The following SEZ6 variants were observed in gnomAD, a reference collection of about 807,000 sequenced individuals.
SEZ6 encodes seizure protein 6 homolog.
A neutral mutation model predicts 101.0 loss-of-function variants in SEZ6; 53 were observed. The observed-to-expected ratio is 0.52, with a 90% CI of 0.42 to 0.66. The LOEUF (loss-of-function observed/expected upper bound fraction) is 0.66. Ranked by LOEUF, SEZ6 falls within the 30% of genes least tolerant of loss-of-function variation. The pLI is 0.00. For missense variants in SEZ6, 1,102 were observed against 1,289.4 expected (o/e 0.85, Z 2.23); for synonymous variants, 488 against 512.2 (o/e 0.95, Z 0.64).
intron 1 of SEZ6, among the ~76,000 whole-genome samples, chr17:28,985,354 G>T (rs2041365424): frequency 6.6e-6 from 1 of 152,176 alleles, no homozygotes; most frequent in East Asian, 1.9e-4. Context: ...ACCCAGGGAA[G>T]CCCCCACCCT....
At chr17:28,990,982 T>C (rs1006064471) in intron 1 of SEZ6, among the ~76,000 whole-genome samples, 14 of 152,160 alleles carry the variant, frequency 9.2e-5, no homozygotes, top group African/African-American at 3.4e-4. Context: ...CTCGTCTCAC[T>C]GCAACCTCTG....
At chr17:28,972,648 C>T (rs1438798431) in intron 3 of SEZ6, among the ~76,000 whole-genome samples, 1 of 152,226 alleles carries the variant, frequency 6.6e-6, no homozygotes, top group Non-Finnish European at 1.5e-5. Flanking sequence ...TCAGGGAATT[C>T]CTGCAGCAGG....
intron 1 of SEZ6, among the ~76,000 whole-genome samples, chr17:28,986,361 A>T (rs1297714240): frequency 6.6e-6 from 1 of 152,108 alleles, no homozygotes; most frequent in Non-Finnish European, 1.5e-5. Flanking sequence ...CCCAGGGCCC[A>T]GCTGGGTGAG....
At chr17:28,963,941 C>A in intron 5 of SEZ6, 21 bp downstream of exon 5, 6 of 1,534,714 alleles carry the variant, frequency 3.9e-6, no homozygotes, top group Non-Finnish European at 5.2e-6. Flanking sequence ...CAGCACTGAG[C>A]CCTTTCCCCT....
chr17:28,991,622 T>TG (rs1478717533), intron 1 of SEZ6, among the ~76,000 whole-genome samples: 1 of 152,136 alleles, frequency 6.6e-6, no homozygotes, highest in Non-Finnish European at 1.5e-5. Context: ...GAGCCCAGGG[T>TG]GGGGCTCCTG....
chr17:28,970,222 C>A (rs2041132247), intron 3 of SEZ6, among the ~76,000 whole-genome samples: 1 of 152,226 alleles, frequency 6.6e-6, no homozygotes, highest in South Asian at 2.1e-4. Context: ...ACACATCTTT[C>A]TGTCTCCAAG....
intron 3 of SEZ6, among the ~76,000 whole-genome samples, chr17:28,973,155 T>C (rs2041177354): frequency 6.6e-6 from 1 of 152,070 alleles, no homozygotes; most frequent in African/African-American, 2.4e-5. Flanking sequence ...CGTGAATCTA[T>C]AAGATAGGTG....
At chr17:28,997,238 C>T (rs1054248573) in intron 1 of SEZ6, among the ~76,000 whole-genome samples, 1 of 152,096 alleles carries the variant, frequency 6.6e-6, no homozygotes, top group Non-Finnish European at 1.5e-5. Context: ...TTGTTTGATC[C>T]CACATTCACA....
Position 28,964,163 on chromosome 17 carries a change from G to A in SEZ6, c.1055-16C>T, listed in dbSNP as rs368047971. The A allele has an allele frequency of 1.7e-5, 26 of 1,566,240 alleles. No individual in the cohort carries two copies. Among genetic ancestry groups the A allele is most frequent in the East Asian group, 2.4e-5 (1 of 42,092 alleles). ...AGGAGATAGGCTGCAAACAGAGAAC[G>A]GGTGACACTGTGTATGTGTGCAGGG... is the stretch of plus-strand genomic sequence containing the variant. On this transcript the variant is annotated splice_polypyrimidine_tract_variant and intron_variant, in intron 4 of 16. Transcript: ENST00000317338.
At chr17:28,992,302 A>T (rs2041472256) in intron 1 of SEZ6, among the ~76,000 whole-genome samples, 1 of 152,194 alleles carries the variant, frequency 6.6e-6, no homozygotes. Context: ...CCTGTTCCAT[A>T]GCCTGGGATG....
rs765350935 is a variant in SEZ6, at chr17:28,956,401, G to A, written c.2798C>T (p.Pro933Leu). The A allele has an allele frequency of 7.0e-6, 11 of 1,571,492 alleles. No homozygotes were observed. The highest frequency in any genetic ancestry group is 8.6e-6 in the Non-Finnish European group (10 of 1,158,378). The change falls in exon 15 of 17, where the codon CCA (proline) becomes CTA (leucine). Residue 933 changes from proline to leucine, a missense_variant. By Grantham distance (98) the Pro-to-Leu change is moderately conservative (BLOSUM62 -3). Transcript: ENST00000317338. ...AAHIAAAIFLPLVAMVLLVGG... is the reference protein window; with the variant it reads ...AAHIAAAIFLLLVAMVLLVGG... ...TACCAACAACACCATCGCCACCAGT[G>A]GCAAGAAGATGGCAGCTGCAATGTG...
intron 10 of SEZ6, among the ~76,000 whole-genome samples, chr17:28,958,775 G>A (rs1372019021): frequency 2.8e-5 from 4 of 143,804 alleles, no homozygotes; most frequent in African/African-American, 1.1e-4. Context: ...GAGGGAAACT[G>A]TCTCAGAAAA....
chr17:28,997,513 C>T (rs1184642236), intron 1 of SEZ6, among the ~76,000 whole-genome samples: 1 of 152,234 alleles, frequency 6.6e-6, no homozygotes, highest in East Asian at 1.9e-4. Context: ...GCTAGTCTCA[C>T]CTTCTTGGAC....
Position 29,005,078 on chromosome 17 carries a change from GGTGTGTGTGTGTGTGTGTGT to G in SEZ6, c.55+717_55+736del, listed in dbSNP as rs58063439. On this transcript the variant is annotated intron_variant, in intron 1 of 16. Coordinates refer to ENST00000317338, the MANE Select transcript of SEZ6 (RefSeq NM_178860.5). This position sits in a 1 kb window ranked among gnomAD's most constrained non-coding sequence, Gnocchi z 4.8. The stretch of plus-strand genomic sequence containing the variant: ...GGAGGGAGGCAGAGCTCGGGGCAGT[GGTGTGTGTGTGTGTGTGTGT>G]GTGTGTGTGTGTGTGTGTGTACAAG... Among the ~76,000 whole-genome samples the G allele has an allele frequency of 7.3e-6, 1 of 137,674 alleles. No individual in the cohort carries two copies. The highest frequency in any genetic ancestry group is 2.8e-5 in the African/African-American group (1 of 36,064). The allele number at this position is 137,674 out of a possible 152,430, so 90.3% of individuals were successfully genotyped here. A position where few individuals can be genotyped will look rare whatever the true frequency, so the allele number is the denominator to read the frequency against.
chr17:28,958,232 T>A, intron 10 of SEZ6, 91 bp from the exon 11 acceptor site: 1 of 1,477,052 alleles, frequency 6.8e-7, no homozygotes, highest in African/African-American at 1.4e-5. Context: ...TCCTGCTAGT[T>A]TGTCCTGGAC....
intron 1 of SEZ6, among the ~76,000 whole-genome samples, chr17:28,990,758 G>A (rs1475442748): frequency 6.6e-6 from 1 of 151,682 alleles, no homozygotes; most frequent in Non-Finnish European, 1.5e-5. Flanking sequence ...GCCTCCTTCA[G>A]GCTTGAAAGA....
chr17:29,003,251 A>T (rs1598218682), intron 1 of SEZ6, among the ~76,000 whole-genome samples: 1 of 152,202 alleles, frequency 6.6e-6, no homozygotes, highest in Non-Finnish European at 1.5e-5. Flanking sequence ...CTGTGGCTGG[A>T]TGGCCCAGGC....
rs749976371 is a variant in SEZ6, at chr17:28,957,118, C to T, written c.2619G>A (p.Lys873=). ...GCACACACTTGATGCTGGCCTGGCC[C>T]TTCAGCACATAGCCAGGGGCACACG... is the stretch of plus-strand genomic sequence containing the variant. ...HFSCAPGYVL[K]GQASIKCVPG... is the part of the protein sequence containing the mutation. Residue 873 remains lysine, a synonymous_variant, in exon 13 of 17, where the codon AAG becomes AAA. Transcript: ENST00000317338. 21 of 1,613,890 alleles carry T rather than the reference C, an allele frequency of 1.3e-5. No individual in the cohort carries two copies. Among genetic ancestry groups the T allele is most frequent in the Non-Finnish European group, 1.8e-5 (21 of 1,179,814 alleles).
chr17:28,962,780 C>CAAA (rs141990354), intron 5 of SEZ6, among the ~76,000 whole-genome samples: 1 of 47,302 alleles, frequency 2.1e-5, no homozygotes, highest in Non-Finnish European at 4.3e-5. Context: ...GACTCCATCT[C>CAAA]AAAAAAAAAA....
Sources: allele counts gnomAD v4.1 joint callset (sites outside exome capture counted in the v4.1 genomes callset), GRCh38; gene constraint gnomAD v4.1.1; non-coding constraint Gnocchi (gnomAD v3.1); transcripts MANE v1.5; gene names NCBI Gene and HGNC (gene_info 2026-07-23, HGNC 2026-07-21).